The following FNBP1L variants were observed in gnomAD, a reference collection of about 807,000 sequenced individuals.
FNBP1L encodes formin-binding protein 1-like.
Under a neutral mutation model 91.2 loss-of-function variants are expected in FNBP1L, and 36 were observed. That is an observed-to-expected ratio of 0.39 (90% CI 0.30 to 0.52). FNBP1L has a LOEUF of 0.52. FNBP1L is among the 20% of genes least tolerant of loss of function. FNBP1L has a pLI of 0.66. For missense variants in FNBP1L, 571 were observed against 732.1 expected, an observed-to-expected ratio of 0.78 and a Z score of 2.54; for synonymous variants, 242 against 237.0, an observed-to-expected ratio of 1.02 and a Z score of -0.19.
intron 8 of FNBP1L, among the ~76,000 whole-genome samples, 195 bp downstream of exon 8, chr1:93,533,263 A>T (rs1021522704): frequency 3.1e-5 from 4 of 128,658 alleles, no homozygotes; most frequent in African/African-American, 6.3e-5. Flanking sequence ...ATTCTTTCTT[A>T]AAAAAAAAAA....
chr1:93,513,571 A>G, intron 2 of FNBP1L, among the ~76,000 whole-genome samples: 1 of 150,720 alleles, frequency 6.6e-6, no homozygotes, highest in South Asian at 2.1e-4. Flanking sequence ...CTTATCCACC[A>G]TGATCAAGTG....
rs1191471451 is a variant in FNBP1L at position 93,549,376 on chromosome 1, A to G, written c.1601A>G (p.Asp534Gly). The G allele has an allele frequency of 6.2e-7, 1 of 1,612,576 alleles. No homozygotes were observed. The highest frequency in any genetic ancestry group is 1.1e-5 in the South Asian group (1 of 90,860). Residue 534 changes from aspartate to glycine, a missense_variant, in exon 15 of 17, where the codon GAT becomes GGT. This residue lies in a region of FNBP1L where 189 missense variants were observed against 219.7 expected (regional missense o/e 0.86). Coordinates refer to ENST00000271234, the MANE Select transcript of FNBP1L (RefSeq NM_001164473.3). ...HNEFDDEFED[D>G]DPLPAIGHCK... ...GAGTTTGATGATGAATTTGAGGATG[A>G]TGATCCCTTGCCTGCTATTGGACAC... is the stretch of plus-strand genomic sequence containing the variant.
chr1:93,464,134 G>A (rs1668992349), intron 1 of FNBP1L, among the ~76,000 whole-genome samples: 1 of 152,148 alleles, frequency 6.6e-6, no homozygotes, highest in Non-Finnish European at 1.5e-5. Flanking sequence ...CTTTTGGTAG[G>A]AATGTAAAAT....
rs571224398 is a variant in FNBP1L at position 93,524,342 on chromosome 1, A to T, written c.405+19A>T. Reference sequence around the variant, plus strand: ...GGATAATGTGAGTTATGACATTTTCATGGTTAACATAAAATCTTGTAGACT... The same window carrying T: ...GGATAATGTGAGTTATGACATTTTCTTGGTTAACATAAAATCTTGTAGACT... On this transcript the variant is annotated intron_variant, in intron 5 of 16. Transcript: ENST00000271234. 23 of 1,472,396 alleles carry T rather than the reference A, an allele frequency of 1.6e-5. No individual in the cohort carries two copies. The East Asian group carries it at 6.1e-4, about 39-fold the overall frequency. The allele number at this position is 1,472,396 out of a possible 1,614,324, so 91.2% of individuals were successfully genotyped here. A position where few individuals can be genotyped will look rare whatever the true frequency, so the allele number is the denominator to read the frequency against.
At chr1:93,462,275 T>G (rs1276897599) in intron 1 of FNBP1L, among the ~76,000 whole-genome samples, 4 of 152,162 alleles carry the variant, frequency 2.6e-5, no homozygotes, top group Non-Finnish European at 4.4e-5. Flanking sequence ...AGCCTGGAGT[T>G]ACTTTTTTTT....
chr1:93,486,945 G>T (rs1029877394), intron 1 of FNBP1L, among the ~76,000 whole-genome samples: 2 of 152,014 alleles, frequency 1.3e-5, no homozygotes, highest in African/African-American at 4.8e-5. Flanking sequence ...CTTCTCTTTA[G>T]CTATTTTTCA....
intron 2 of FNBP1L, among the ~76,000 whole-genome samples, chr1:93,500,872 G>A (rs538591447): frequency 2.0e-5 from 3 of 152,032 alleles, no homozygotes; most frequent in Non-Finnish European, 2.9e-5. Context: ...TTCCTAATCC[G>A]TTTCCCTCCT....
At chr1:93,512,724 C>G (rs911178042) in intron 2 of FNBP1L, among the ~76,000 whole-genome samples, 6 of 151,422 alleles carry the variant, frequency 4.0e-5, no homozygotes, top group African/African-American at 1.2e-4. Flanking sequence ...TTGAAACCAA[C>G]GAGAACAAAG....
intron 1 of FNBP1L, among the ~76,000 whole-genome samples, chr1:93,475,310 C>T (rs1669453650): frequency 6.6e-6 from 1 of 152,056 alleles, no homozygotes; most frequent in African/African-American, 2.4e-5. Flanking sequence ...ATAATTTCAG[C>T]ACTTTGGGAG....
Position 93,536,371 on chromosome 1 carries a change from T to C in FNBP1L, c.1030T>C (p.Ser344Pro). 6.5e-7 allele frequency: 1 copy of C among 1,550,018 alleles called. No homozygotes were observed. Among genetic ancestry groups the C allele is most frequent in the Non-Finnish European group, 8.7e-7 (1 of 1,145,914 alleles). ...CTTAACCCCTACTAGTTTATTCACA[T>C]CCAGTACTCCTAATGGGTCCCAGTT... is the stretch of plus-strand genomic sequence containing the variant. The part of the protein sequence containing the change: ...PPLTPTSLFT[S>P]STPNGSQFLT... Residue 344 changes from serine to proline, a missense_variant, in exon 10 of 17, where the codon TCC becomes CCC. Ser to Pro is a moderately conservative substitution (Grantham distance 74, BLOSUM62 -1). This residue lies in a region of FNBP1L where 150 missense variants were observed against 155.9 expected (regional missense o/e 0.96). Coordinates refer to ENST00000271234, the MANE Select transcript of FNBP1L (RefSeq NM_001164473.3).
chr1:93,536,060 GCTTT>G (rs1671837286), intron 9 of FNBP1L, among the ~76,000 whole-genome samples: 2 of 151,938 alleles, frequency 1.3e-5, no homozygotes, highest in Non-Finnish European at 2.9e-5. Context: ...AGGCCATATT[GCTTT>G]CTTTGACAAT....
intron 2 of FNBP1L, among the ~76,000 whole-genome samples, chr1:93,513,780 A>G (rs1670956598): frequency 6.6e-6 from 1 of 152,266 alleles, no homozygotes. Flanking sequence ...CAAAATAATA[A>G]GAGCTATCTA....
intron 1 of FNBP1L, among the ~76,000 whole-genome samples, chr1:93,452,038 G>A (rs1407032825): frequency 6.6e-6 from 1 of 152,070 alleles, no homozygotes; most frequent in Non-Finnish European, 1.5e-5. Flanking sequence ...TAGATTAGGT[G>A]GATAATTTAT....
At chr1:93,505,374 C>T (rs990938182) in intron 2 of FNBP1L, among the ~76,000 whole-genome samples, 1 of 152,266 alleles carries the variant, frequency 6.6e-6, no homozygotes, top group East Asian at 1.9e-4. Flanking sequence ...GGCATCCACC[C>T]TACTGCTGTG....
chr1:93,473,252 T>C (rs950084416), intron 1 of FNBP1L, among the ~76,000 whole-genome samples: 2 of 152,348 alleles, frequency 1.3e-5, no homozygotes. Flanking sequence ...AAAATCTTTC[T>C]GAAAGATTTT....
chr1:93,515,782 G>A (rs1671078762), intron 2 of FNBP1L, among the ~76,000 whole-genome samples: 1 of 127,050 alleles, frequency 7.9e-6, no homozygotes, highest in Admixed American at 8.3e-5. Flanking sequence ...GGGGGAGGGG[G>A]AGGTATAGCA....
chr1:93,501,517 G>C (rs1172933239), intron 2 of FNBP1L, among the ~76,000 whole-genome samples: 1 of 152,072 alleles, frequency 6.6e-6, no homozygotes, highest in Non-Finnish European at 1.5e-5. Context: ...AGTCTTATTA[G>C]AGTGAGAACG....
At chr1:93,532,722 A>AT (rs1037173825) in intron 7 of FNBP1L, among the ~76,000 whole-genome samples, 200 bp from the exon 8 acceptor site, 9 of 151,926 alleles carry the variant, frequency 5.9e-5, no homozygotes, top group South Asian at 4.2e-4. Context: ...GTGCCTTACT[A>AT]TTTTTTTTCT....
intron 1 of FNBP1L, among the ~76,000 whole-genome samples, chr1:93,468,343 C>G (rs1338399968): frequency 1.3e-5 from 2 of 152,008 alleles, no homozygotes; most frequent in African/African-American, 4.8e-5. Context: ...TTTTATTCAT[C>G]CATTCATCTG....
Sources: gnomAD v4.1 joint callset for allele counts (sites outside exome capture counted in the v4.1 genomes callset) on GRCh38, gnomAD v4.1.1 for gene constraint, gnomAD v4.1.1 regional missense constraint, MANE v1.5 for transcripts, NCBI Gene and HGNC (gene_info 2026-07-23, HGNC 2026-07-21) for gene names.